CR1: variants seen among roughly 807,000 people sequenced by gnomAD.
The protein encoded by CR1 is complement C3b/C4b receptor 1 (Knops blood group), also known as complement receptor type 1.
Under a neutral mutation model 187.3 loss-of-function variants are expected in CR1, and 116 were observed. The observed-to-expected ratio is 0.62, with a 90% CI of 0.53 to 0.72. The LOEUF (loss-of-function observed/expected upper bound fraction) is 0.72. Ranked by LOEUF, CR1 falls within the 30% of genes least tolerant of loss-of-function variation. The pLI is 0.00. For synonymous variants in CR1, 576 were observed against 747.1 expected, an observed-to-expected ratio of 0.77 and a Z score of 3.73; for missense variants, 1,731 against 2,110.7, an observed-to-expected ratio of 0.82 and a Z score of 3.52.
intron 34 of CR1, 84 bp from the exon 35 acceptor site, chr1:207,588,591 G>C: frequency 1.1e-6 from 1 of 877,790 alleles, no homozygotes; most frequent in South Asian, 1.5e-5. Flanking sequence ...TGTATATGCT[G>C]TTTAGTATGC....
At chr1:207,565,799 C>T in intron 23 of CR1, 39 bp from the exon 24 acceptor site, 1 of 1,609,398 alleles carries the variant, frequency 6.2e-7, no homozygotes, top group Non-Finnish European at 8.5e-7. Context: ...GTCCTCTTGG[C>T]TGAAACAGCT....
At chr1:207,636,150 G>C (rs1662806477) in intron 46 of CR1, among the ~76,000 whole-genome samples, 2 of 151,548 alleles carry the variant, frequency 1.3e-5, no homozygotes, top group African/African-American at 2.4e-5. Flanking sequence ...GGAGCTGTTG[G>C]GTACACCTGC....
chr1:207,623,519 A>C (rs190594044), intron 45 of CR1, among the ~76,000 whole-genome samples: 1 of 152,052 alleles, frequency 6.6e-6, no homozygotes, highest in East Asian at 1.9e-4. Context: ...CAGGAGGCAG[A>C]GGTTGTAGTG....
Position 207,623,911 on chromosome 1 carries a change from C to CTTTTTTT in CR1, c.7352+869_7352+875dup, listed in dbSNP as rs71154830. Among the ~76,000 whole-genome samples, 16 of 52,474 alleles carry CTTTTTTT rather than the reference C, an allele frequency of 3.0e-4. 4 individuals carry two copies. In the East Asian group the frequency reaches 9.6e-3, roughly 31 times the overall value. 34.4% of individuals were successfully genotyped at this position (52,474 alleles called of 152,430 possible). On this transcript the variant is annotated intron_variant, in intron 45 of 46. Transcript: ENST00000367049. ...ACAAATATTTTGTAAACACCATTAA[C>CTTTTTTT]TTTTTTTTTTTTTTTTTTTTTTTTT...
At chr1:207,574,021 T>C (rs1660658352) in intron 27 of CR1, among the ~76,000 whole-genome samples, 1 of 152,126 alleles carries the variant, frequency 6.6e-6, no homozygotes, top group South Asian at 2.1e-4. Flanking sequence ...TAGTCACAGC[T>C]AGGCAGGAGA....
At chr1:207,581,709 C>G (rs529560165) in intron 31 of CR1, among the ~76,000 whole-genome samples, 2 of 152,230 alleles carry the variant, frequency 1.3e-5, no homozygotes, top group African/African-American at 4.8e-5. Context: ...ATTGCTTTGT[C>G]CTCACTGAAA....
intron 35 of CR1, 107 bp from the exon 36 acceptor site, chr1:207,607,143 GT>G: frequency 1.2e-6 from 1 of 817,540 alleles, no homozygotes; most frequent in Non-Finnish European, 2.1e-6. Flanking sequence ...GTCTGCCATG[GT>G]GTAATCTGTC....
At chr1:207,511,955 T>C (rs1927654) in intron 4 of CR1, among the ~76,000 whole-genome samples, 10 of 152,236 alleles carry the variant, frequency 6.6e-5, no homozygotes, top group African/African-American at 2.4e-4. Flanking sequence ...AATAATCATC[T>C]TGCTTGGCAA....
At chr1:207,575,725 A>G in intron 28 of CR1, 45 bp downstream of exon 28, 1 of 1,611,124 alleles carries the variant, frequency 6.2e-7, no homozygotes, top group Non-Finnish European at 8.5e-7. Flanking sequence ...ATTGAATCCT[A>G]GAGTTGTCCT....
chr1:207,521,855 G>GTTTTT, intron 4 of CR1, among the ~76,000 whole-genome samples: 1 of 145,428 alleles, frequency 6.9e-6, no homozygotes. Context: ...TTTTTGTCGA[G>GTTTTT]ACAGGGTTTC....
chr1:207,564,831 G>GAATA (rs1234335862), intron 23 of CR1, among the ~76,000 whole-genome samples: 1 of 149,998 alleles, frequency 6.7e-6, no homozygotes, highest in African/African-American at 2.5e-5. Context: ...AAGCAAAAGG[G>GAATA]AATATGAGTA....
intron 41 of CR1, among the ~76,000 whole-genome samples, chr1:207,617,606 TATATATAGAGAGAGAGAGAG>T (rs1177940150): frequency 0.019 from 341 of 18,026 alleles, no homozygotes; most frequent in South Asian, 0.087. Flanking sequence ...TATATATATA[TATATATAGAGAGAGAGAGAG>T]AGAGAGAGAG....
intron 24 of CR1, among the ~76,000 whole-genome samples, chr1:207,567,139 T>C (rs1406732339): frequency 6.7e-6 from 1 of 150,350 alleles, no homozygotes. Context: ...GAGACTGTTC[T>C]AAACAAATCA....
At chr1:207,567,656 G>C (rs1660545179) in intron 24 of CR1, among the ~76,000 whole-genome samples, 168 bp from the exon 25 acceptor site, 1 of 150,300 alleles carries the variant, frequency 6.7e-6, no homozygotes, top group South Asian at 2.1e-4. Flanking sequence ...TTTGTACTTT[G>C]CAATACATTT....
chr1:207,584,864 T>G lies in CR1; in HGVS notation c.5518T>G (p.Ser1840Ala). The G allele has an allele frequency of 6.2e-7, 1 of 1,613,938 alleles. No homozygotes were observed. Among genetic ancestry groups the G allele is most frequent in the South Asian group, 1.1e-5 (1 of 91,074 alleles). Reference sequence around the variant, plus strand: ...CAGCCCTGCCCCTCGCTGTGAACTTTCTGTTCGTGCTGGTCAGTATCCACT... The same window carrying G: ...CAGCCCTGCCCCTCGCTGTGAACTTGCTGTTCGTGCTGGTCAGTATCCACT... ...WSSPAPRCELSVRAGHCKTPE... is the reference protein window; with the variant it reads ...WSSPAPRCELAVRAGHCKTPE... Residue 1840 changes from serine to alanine, a missense_variant, in exon 33 of 47, where the codon TCT becomes GCT. Physicochemically the swap from Ser to Ala is moderately conservative, Grantham distance 99 (BLOSUM62 1). Around this residue, in one of 5 missense-constraint regions of CR1, gnomAD observed 1,312 missense variants for 1,379.6 expected, o/e 0.95. Transcript: ENST00000367049.
rs1344767371 is a variant in CR1, at chr1:207,511,562, C to T, written c.402-7C>T. On this transcript the variant is annotated splice_polypyrimidine_tract_variant and splice_region_variant and intron_variant, in intron 3 of 46. Coordinates refer to ENST00000367049, the MANE Select transcript of CR1 (RefSeq NM_000651.6). Reference sequence around the variant, plus strand: ...AGAATGTAACATTCCTTATTTTTTGCCTCTAGATACCGACTCATTGGTTCC... The same window carrying T: ...AGAATGTAACATTCCTTATTTTTTGTCTCTAGATACCGACTCATTGGTTCC... 1 of 1,611,774 alleles carries T rather than the reference C, an allele frequency of 6.2e-7. No homozygotes were observed. Among genetic ancestry groups the T allele is most frequent in the Non-Finnish European group, 8.5e-7 (1 of 1,178,608 alleles).
intron 45 of CR1, among the ~76,000 whole-genome samples, chr1:207,630,241 G>A (rs904740618): frequency 2.0e-5 from 3 of 152,142 alleles, no homozygotes; most frequent in Non-Finnish European, 4.4e-5. Context: ...GTCAGAAATA[G>A]TGAAATGTGT....
intron 46 of CR1, among the ~76,000 whole-genome samples, chr1:207,632,560 G>A (rs1214995044): frequency 6.6e-6 from 1 of 152,134 alleles, no homozygotes; most frequent in East Asian, 1.9e-4. Flanking sequence ...CGGCCGAGGC[G>A]AGTGGATCAT....
chr1:207,513,264 C>A lies in CR1; in HGVS notation c.487+1610C>A, dbSNP rs550046958. 8.9e-4 allele frequency among the ~76,000 whole-genome samples: 136 copies of A among 152,336 alleles called. 2 individuals carry two copies. The highest frequency in any genetic ancestry group is 8.4e-4 in the Non-Finnish European group (57 of 68,028). On this transcript the variant is annotated intron_variant, in intron 4 of 46. Coordinates refer to ENST00000367049, the MANE Select transcript of CR1 (RefSeq NM_000651.6). ...CTCAAATATGCATTACAAGAACCCC[C>A]ATTGTCTCTGGCAATTAAGTGCTGC...
Sources: gnomAD v4.1 joint callset for allele counts (sites outside exome capture counted in the v4.1 genomes callset) on GRCh38, gnomAD v4.1.1 for gene constraint, gnomAD v4.1.1 regional missense constraint, MANE v1.5 for transcripts, NCBI Gene and HGNC (gene_info 2026-07-23, HGNC 2026-07-21) for gene names.